Variants in SHISA9 observed in about 807,000 individuals in gnomAD.
SHISA9 encodes shisa family member 9.
Under a neutral mutation model 38.0 loss-of-function variants are expected in SHISA9, and 13 were observed. The observed-to-expected ratio is 0.34, with a 90% CI of 0.22 to 0.54. The LOEUF (loss-of-function observed/expected upper bound fraction) is 0.54, where lower values mean the gene tolerates loss of function less well. Among genes scored for constraint, SHISA9 ranks in the 20% least tolerant of loss-of-function variants. SHISA9 has a pLI of 0.91. For synonymous variants in SHISA9, 275 were observed against 242.0 expected (o/e 1.14, Z -1.27); for missense variants, 538 against 575.8 (o/e 0.93, Z 0.67).
chr16:13,323,314 C>T, the SHISA9 span, among the ~76,000 whole-genome samples: 3 of 152,164 alleles, frequency 2.0e-5, no homozygotes, highest in Admixed American at 2.0e-4. Context: ...TCTCACAAAG[C>T]TTGTACCTGG....
chr16:13,147,750 C>T (rs2050460449), intron 2 of SHISA9, among the ~76,000 whole-genome samples: 1 of 152,222 alleles, frequency 6.6e-6, no homozygotes, highest in Admixed American at 6.5e-5. Flanking sequence ...CGTAAGCCAC[C>T]ACGCCCAGCC....
chr16:12,986,309 T>A lies in SHISA9; in HGVS notation c.691+69494T>A, dbSNP rs1374968115. 2.0e-5 allele frequency among the ~76,000 whole-genome samples: 3 copies of A among 152,158 alleles called. No homozygotes were observed. In the East Asian group the frequency reaches 5.8e-4, roughly 29 times the overall value. On this transcript the variant is annotated intron_variant, in intron 2 of 4. Coordinates refer to ENST00000558583, the MANE Select transcript of SHISA9 (RefSeq NM_001145204.3). ...TCTTTTCCTCTTTCCTTCCTTCCCTTCTTGCTTTCTTGCTTGCTATTTGTG... is the reference window on the plus strand; with the variant it reads ...TCTTTTCCTCTTTCCTTCCTTCCCTACTTGCTTTCTTGCTTGCTATTTGTG...
chr16:13,058,097 A>G (rs2073331158), intron 2 of SHISA9, among the ~76,000 whole-genome samples: 1 of 152,212 alleles, frequency 6.6e-6, no homozygotes, highest in Non-Finnish European at 1.5e-5. Context: ...AAGCATGCCA[A>G]TCTTGCTCCC....
chr16:13,483,862 T>C, the SHISA9 span, among the ~76,000 whole-genome samples: 1 of 152,270 alleles, frequency 6.6e-6, no homozygotes, highest in East Asian at 1.9e-4. Context: ...ACCCTACACA[T>C]CTCTTCATTT....
chr16:12,979,054 A>G (rs1640356011), intron 2 of SHISA9, among the ~76,000 whole-genome samples: 1 of 152,134 alleles, frequency 6.6e-6, no homozygotes, highest in South Asian at 2.1e-4. Flanking sequence ...CCCAATCTCC[A>G]CGTCTAATCA....
chr16:13,519,395 C>A, the SHISA9 span, among the ~76,000 whole-genome samples: 2 of 152,224 alleles, frequency 1.3e-5, no homozygotes, highest in Non-Finnish European at 2.9e-5. Flanking sequence ...AGCCTGTTCA[C>A]AGCTCAACGG....
At position 12,958,291 on chromosome 16, in the gene SHISA9, T is replaced by G. The variant is rs2141787676; in HGVS notation, c.691+41476T>G. On this transcript the variant is annotated intron_variant, in intron 2 of 4. Coordinates refer to ENST00000558583, the MANE Select transcript of SHISA9 (RefSeq NM_001145204.3). Reference sequence around the variant, plus strand: ...TTCTATTGTTGGACATCTAGGTTGCTTTCCATTTTTCATCATTATAAACAA... The same window carrying G: ...TTCTATTGTTGGACATCTAGGTTGCGTTCCATTTTTCATCATTATAAACAA... Among the ~76,000 whole-genome samples the G allele has an allele frequency of 1.3e-5, 2 of 152,388 alleles. 1 individual carries two copies. Among genetic ancestry groups the G allele is most frequent in the South Asian group, 4.1e-4 (2 of 4,830 alleles).
At chr16:13,394,014 C>T in the SHISA9 span, among the ~76,000 whole-genome samples, 1 of 152,214 alleles carries the variant, frequency 6.6e-6, no homozygotes, top group African/African-American at 2.4e-5. Flanking sequence ...GACCTTCCCA[C>T]CCCATTGACA....
chr16:12,978,927 A>G (rs1056695138), intron 2 of SHISA9, among the ~76,000 whole-genome samples: 25 of 152,166 alleles, frequency 1.6e-4, no homozygotes, highest in African/African-American at 5.5e-4. Context: ...AATTTTCTGT[A>G]TCTGGAGAAG....
chr16:13,145,749 G>A (rs1596680197), intron 2 of SHISA9, among the ~76,000 whole-genome samples: 1 of 152,306 alleles, frequency 6.6e-6, no homozygotes, highest in South Asian at 2.1e-4. Flanking sequence ...CTGCCAGTAG[G>A]TGCAGTACTC....
At chr16:12,933,251 C>T (rs1352985139) in intron 2 of SHISA9, among the ~76,000 whole-genome samples, 1 of 152,092 alleles carries the variant, frequency 6.6e-6, no homozygotes, top group Non-Finnish European at 1.5e-5. Context: ...ATCAGAACTG[C>T]ATTCCTTTAG....
chr16:12,950,636 G>C (rs1248504752), intron 2 of SHISA9, among the ~76,000 whole-genome samples: 3 of 151,612 alleles, frequency 2.0e-5, no homozygotes, highest in Non-Finnish European at 4.4e-5. Context: ...TTTTGAGATG[G>C]AGTGTCACTG....
At chr16:13,014,700 C>A (rs192044266) in intron 2 of SHISA9, among the ~76,000 whole-genome samples, 2 of 152,188 alleles carry the variant, frequency 1.3e-5, no homozygotes, top group African/African-American at 4.8e-5. Flanking sequence ...AATTCTGAGC[C>A]GGGGGTGGAA....
chr16:12,971,313 A>G (rs991341723), intron 2 of SHISA9, among the ~76,000 whole-genome samples: 1 of 152,196 alleles, frequency 6.6e-6, no homozygotes, highest in African/African-American at 2.4e-5. Flanking sequence ...AGCCTTTGCC[A>G]GTAGCCAGGA....
At chr16:12,954,807 G>A (rs151193169) in intron 2 of SHISA9, among the ~76,000 whole-genome samples, 1 of 152,256 alleles carries the variant, frequency 6.6e-6, no homozygotes, top group African/African-American at 2.4e-5. Flanking sequence ...TACAGCCTGG[G>A]GATCTGAATT....
intron 2 of SHISA9, among the ~76,000 whole-genome samples, chr16:13,107,472 GACACACAC>G (rs34291803): frequency 0.27 from 38,977 of 144,204 alleles, 5,358 homozygotes; most frequent in South Asian, 0.4. Flanking sequence ...AAAAACAACA[GACACACAC>G]ACACACACAC....
At chr16:12,907,007 A>G (rs1369717894) in intron 1 of SHISA9, among the ~76,000 whole-genome samples, 1 of 151,300 alleles carries the variant, frequency 6.6e-6, no homozygotes, top group Non-Finnish European at 1.5e-5. Context: ...CTCTTTCCAT[A>G]TTTTTTTCTT....
At chr16:13,019,278 A>G (rs12918278) in intron 2 of SHISA9, among the ~76,000 whole-genome samples, 65,197 of 151,934 alleles carry the variant, frequency 0.43, 14,512 homozygotes, top group Middle Eastern at 0.52. Context: ...GAGATTACAG[A>G]CGTGAGCCAC....
intron 2 of SHISA9, among the ~76,000 whole-genome samples, chr16:13,173,806 T>C (rs2142023817): frequency 6.6e-6 from 1 of 152,304 alleles, no homozygotes; most frequent in African/African-American, 2.4e-5. Context: ...CAATGTATTC[T>C]AAGCCAGAGG....
Sources: allele counts gnomAD v4.1 joint callset (sites outside exome capture counted in the v4.1 genomes callset), GRCh38; gene constraint gnomAD v4.1.1; transcripts MANE v1.5; gene names NCBI Gene and HGNC (gene_info 2026-07-23, HGNC 2026-07-21).